The following NCKAP5 variants were observed in gnomAD, a reference collection of about 807,000 sequenced individuals.
The protein encoded by NCKAP5 is nck-associated protein 5.
NCKAP5 carries 92 observed loss-of-function variants against 167.0 expected under a neutral mutation model. The ratio of observed to expected loss-of-function variants is 0.55; its 90% CI spans 0.47 to 0.66. The LOEUF (loss-of-function observed/expected upper bound fraction) is 0.66. Ranked by LOEUF, NCKAP5 falls within the 30% of genes least tolerant of loss-of-function variation. The pLI is 0.00. For missense variants in NCKAP5, 2,378 were observed against 2,315.0 expected (o/e 1.03, Z -0.56); for synonymous variants, 891 against 877.4 (o/e 1.02, Z -0.27).
chr2:133,587,616 G>A, the NCKAP5 span, among the ~76,000 whole-genome samples: 69 of 152,198 alleles, frequency 4.5e-4, no homozygotes, highest in African/African-American at 1.6e-3. Context: ...TCTGAAATGT[G>A]GACAACATCA....
chr2:133,259,780 G>A (rs2150365150), intron 4 of NCKAP5, among the ~76,000 whole-genome samples: 1 of 152,304 alleles, frequency 6.6e-6, no homozygotes, highest in East Asian at 1.9e-4. Context: ...AGAGGGACAG[G>A]TCTTTTGGGG....
At chr2:133,315,534 G>A (rs1681541724) in intron 3 of NCKAP5, among the ~76,000 whole-genome samples, 1 of 151,890 alleles carries the variant, frequency 6.6e-6, no homozygotes, top group Non-Finnish European at 1.5e-5. Context: ...ATTCCAGTGT[G>A]TATGGATATA....
At chr2:133,550,853 T>C (rs1199180008) in intron 2 of NCKAP5, among the ~76,000 whole-genome samples, 13 of 144,406 alleles carry the variant, frequency 9.0e-5, no homozygotes, top group African/African-American at 2.8e-4. Flanking sequence ...AAAACCCCAT[T>C]GTCTCAGCCC....
At chr2:133,155,156 C>T (rs2083527775) in intron 5 of NCKAP5, among the ~76,000 whole-genome samples, 1 of 152,136 alleles carries the variant, frequency 6.6e-6, no homozygotes, top group Admixed American at 6.5e-5. Context: ...ATGTTTGTGC[C>T]CTCATCAATA....
At chr2:133,236,407 T>G (rs1388246015) in intron 4 of NCKAP5, among the ~76,000 whole-genome samples, 1 of 152,130 alleles carries the variant, frequency 6.6e-6, no homozygotes, top group African/African-American at 2.4e-5. Context: ...CCAGTTGTTT[T>G]TAGGTTCTGA....
intron 3 of NCKAP5, among the ~76,000 whole-genome samples, chr2:133,435,782 T>G (rs1051598627): frequency 1.3e-5 from 2 of 152,152 alleles, no homozygotes; most frequent in African/African-American, 4.8e-5. Context: ...TGAGTTCACT[T>G]GATATCTCTG....
At chr2:133,018,806 G>C (rs1397093283) in intron 6 of NCKAP5, among the ~76,000 whole-genome samples, 2 of 152,176 alleles carry the variant, frequency 1.3e-5, no homozygotes, top group East Asian at 3.8e-4. Context: ...AGTAATTCTA[G>C]GGAAATTTTA....
chr2:133,437,458 C>CA (rs1690562080), intron 3 of NCKAP5, among the ~76,000 whole-genome samples: 1 of 151,984 alleles, frequency 6.6e-6, no homozygotes, highest in Non-Finnish European at 1.5e-5. Flanking sequence ...AAAAACTGAA[C>CA]AAAGAAACAA....
intron 6 of NCKAP5, among the ~76,000 whole-genome samples, chr2:133,112,959 C>T (rs1355176918): frequency 3.3e-5 from 5 of 152,170 alleles, no homozygotes; most frequent in South Asian, 2.1e-4. Context: ...TACGATGAAA[C>T]GTGTCCCCAG....
the NCKAP5 span, among the ~76,000 whole-genome samples, chr2:133,595,130 T>G: frequency 6.6e-6 from 1 of 152,152 alleles, no homozygotes; most frequent in East Asian, 1.9e-4. Context: ...TGAACCAATA[T>G]AGTAGCAAGA....
rs185413926 is a variant in NCKAP5, at chr2:132,896,367, G to T, written c.580-17451C>A. On this transcript the variant is annotated intron_variant, in intron 8 of 19. Coordinates refer to ENST00000409261, the MANE Select transcript of NCKAP5 (RefSeq NM_207363.3). ...GTTTGCTTTGAAAATCGTGGAAAAC[G>T]AAGAGCACTAACAGATTCATACACC... Among the ~76,000 whole-genome samples, 92 of 152,274 alleles carry T rather than the reference G, an allele frequency of 6.0e-4. 1 individual carries two copies. The highest frequency in any genetic ancestry group is 1.7e-3 in the African/African-American group (71 of 41,568).
intron 3 of NCKAP5, among the ~76,000 whole-genome samples, chr2:133,468,995 AT>A (rs1692828368): frequency 6.6e-6 from 1 of 151,998 alleles, no homozygotes. Context: ...TAATTGGAGC[AT>A]TTAGTCCATT....
intron 5 of NCKAP5, among the ~76,000 whole-genome samples, chr2:133,212,585 C>T (rs1225438589): frequency 1.3e-5 from 2 of 152,160 alleles, no homozygotes; most frequent in African/African-American, 2.4e-5. Flanking sequence ...CCACGCTGGT[C>T]TCCAGCTCCT....
intron 4 of NCKAP5, among the ~76,000 whole-genome samples, chr2:133,275,758 A>G (rs1405515305): frequency 6.6e-6 from 1 of 151,980 alleles, no homozygotes; most frequent in African/African-American, 2.4e-5. Flanking sequence ...GAAAGGAATT[A>G]AGGGTAACAG....
Position 132,783,843 on chromosome 2 carries a change from C to T in NCKAP5, c.2968G>A (p.Glu990Lys), listed in dbSNP as rs1366725052. ...PVISSNPATT[E>K]VQRKKPSVAF... ...ACAGAAGGTTTCTTCCTCTGCACTT[C>T]TGTCGTGGCCGGATTAGAAGAAATA... is the stretch of plus-strand genomic sequence containing the variant. The change falls in exon 14 of 20, where the codon GAA (glutamate) becomes AAA (lysine). Residue 990 changes from glutamate (E) to lysine (K), a missense_variant. Around this residue, in one of 3 missense-constraint regions of NCKAP5, gnomAD observed 1,325 missense variants for 1,274.5 expected, o/e 1.04. Coordinates refer to ENST00000409261, the MANE Select transcript of NCKAP5 (RefSeq NM_207363.3). The T allele has an allele frequency of 6.5e-7, 1 of 1,531,152 alleles. No individual in the cohort carries two copies. The highest frequency in any genetic ancestry group is 1.3e-5 in the South Asian group (1 of 76,680). 94.8% of individuals were successfully genotyped at this position (1,531,152 alleles called of 1,614,324 possible).
At chr2:133,177,610 T>C (rs1400130976) in intron 5 of NCKAP5, among the ~76,000 whole-genome samples, 7 of 152,138 alleles carry the variant, frequency 4.6e-5, no homozygotes, top group Non-Finnish European at 7.3e-5. Context: ...TTTGTAAAAC[T>C]GTGGTCTATA....
intron 4 of NCKAP5, among the ~76,000 whole-genome samples, chr2:133,271,218 C>T (rs1024877061): frequency 2.0e-5 from 3 of 151,904 alleles, no homozygotes; most frequent in Non-Finnish European, 2.9e-5. Context: ...AGGTGTGAGC[C>T]ACTGCACCCG....
intron 11 of NCKAP5, among the ~76,000 whole-genome samples, chr2:132,805,605 A>G (rs1169484186): frequency 4.6e-5 from 7 of 151,682 alleles, no homozygotes; most frequent in African/African-American, 1.7e-4. Flanking sequence ...CATTCTTTCC[A>G]TGGAAGCATA....
chr2:133,248,278 C>T (rs2088107183), intron 4 of NCKAP5, among the ~76,000 whole-genome samples: 1 of 152,208 alleles, frequency 6.6e-6, no homozygotes, highest in African/African-American at 2.4e-5. Context: ...ATCTACACCC[C>T]ACGCCACAGA....
Sources: gnomAD v4.1 joint callset for allele counts (sites outside exome capture counted in the v4.1 genomes callset) on GRCh38, gnomAD v4.1.1 for gene constraint, gnomAD v4.1.1 regional missense constraint, MANE v1.5 for transcripts, NCBI Gene and HGNC (gene_info 2026-07-23, HGNC 2026-07-21) for gene names.